Variants in TUNAR observed in about 807,000 individuals in gnomAD.
TUNAR encodes transmembrane neural differentiation associated intracellular calcium regulator.
intron 2 of TUNAR, among the ~76,000 whole-genome samples, chr14:95,888,716 T>C (rs916880775): frequency 5.3e-5 from 8 of 152,118 alleles, no homozygotes; most frequent in African/African-American, 1.9e-4. Context: ...GTCTCTATCC[T>C]CTTTGGTGAT....
exon 2 of TUNAR, chr14:95,877,172 T>G (rs974860772): frequency 1.3e-5 from 2 of 152,234 alleles, no homozygotes; most frequent in African/African-American, 2.4e-5. Context: ...CCGGATGCGC[T>G]TCTCGGTAAG....
In TUNAR at chr14:95,905,747, G is replaced by A. The variant is rs566280212; in HGVS notation, c.13-17034G>A. ...CTTTTAGCATCCATCGGTAGATCTT[G>A]TCCACAATAATTATTACTGTGGTGA... On this transcript the variant is annotated intron_variant, in intron 2 of 2. Coordinates refer to ENST00000678517, the Ensembl canonical transcript of TUNAR. 1.7e-3 allele frequency among the ~76,000 whole-genome samples: 256 copies of A among 152,242 alleles called. 1 individual carries two copies. Among genetic ancestry groups the A allele is most frequent in the African/African-American group, 5.7e-3 (238 of 41,538 alleles).
At chr14:95,902,971 A>C (rs751359138) in intron 2 of TUNAR, among the ~76,000 whole-genome samples, 19 of 152,312 alleles carry the variant, frequency 1.2e-4, no homozygotes, top group South Asian at 2.1e-4. Context: ...TGAGCCATAA[A>C]ATGTAGGAGT....
At chr14:95,883,570 C>T (rs137883379) in intron 2 of TUNAR, among the ~76,000 whole-genome samples, 104 of 152,310 alleles carry the variant, frequency 6.8e-4, no homozygotes, top group African/African-American at 2.3e-3. Context: ...AGGCCTGGGG[C>T]GTCACCCTCT....
chr14:95,910,425 C>T (rs1889495577), intron 2 of TUNAR, among the ~76,000 whole-genome samples: 1 of 152,144 alleles, frequency 6.6e-6, no homozygotes, highest in East Asian at 1.9e-4. Context: ...GATGGAGGAA[C>T]TGTGTATTTA....
At chr14:95,889,247 A>G (rs924907780) in intron 2 of TUNAR, among the ~76,000 whole-genome samples, 8 of 152,210 alleles carry the variant, frequency 5.3e-5, no homozygotes, top group Non-Finnish European at 1.0e-4. Context: ...CTTCCACCAT[A>G]AAAAGAAAAA....
At chr14:95,891,917 C>T (rs1889185787) in intron 2 of TUNAR, among the ~76,000 whole-genome samples, 1 of 152,252 alleles carries the variant, frequency 6.6e-6, no homozygotes. Flanking sequence ...TGCACCACTC[C>T]AGCCTCTGCC....
chr14:95,911,319 G>T (rs2139668181), intron 2 of TUNAR, among the ~76,000 whole-genome samples: 1 of 152,282 alleles, frequency 6.6e-6, no homozygotes, highest in South Asian at 2.1e-4. Flanking sequence ...TGATGTCTCA[G>T]CTCAGACCTC....
At chr14:95,920,158 CAA>C (rs1566793254) in intron 2 of TUNAR, among the ~76,000 whole-genome samples, 1 of 152,174 alleles carries the variant, frequency 6.6e-6, no homozygotes, top group Non-Finnish European at 1.5e-5. Context: ...AAATCAGACT[CAA>C]AAGAGGACAT....
intron 2 of TUNAR, among the ~76,000 whole-genome samples, chr14:95,920,782 C>T (rs769340760): frequency 2.4e-4 from 36 of 152,116 alleles, no homozygotes; most frequent in Non-Finnish European, 4.0e-4. Flanking sequence ...CCTGGATTCC[C>T]GTTTGTGATC....
intron 2 of TUNAR, among the ~76,000 whole-genome samples, chr14:95,918,345 TCTCTGTTATTGTTCTGGTTTCTAGG>T (rs1255812259): frequency 6.6e-6 from 1 of 152,224 alleles, no homozygotes; most frequent in African/African-American, 2.4e-5. Flanking sequence ...TCCTTTCCCA[TCTCTGTTATTGTTCTGGTTTCTAGG>T]CTAATCTCCT....
chr14:95,924,088 G>A (rs1053853004), exon 3 of TUNAR: 6 of 152,220 alleles, frequency 3.9e-5, no homozygotes, highest in Admixed American at 6.5e-5. Context: ...GTCATGTACC[G>A]CGAGAGTTGG....
intron 2 of TUNAR, among the ~76,000 whole-genome samples, chr14:95,894,824 G>A (rs373391381): frequency 6.6e-6 from 1 of 152,234 alleles, no homozygotes; most frequent in African/African-American, 2.4e-5. Flanking sequence ...TGACGCACAG[G>A]GAAGGTGTAG....
At chr14:95,907,318 T>A (rs1158730952) in intron 2 of TUNAR, among the ~76,000 whole-genome samples, 2 of 152,174 alleles carry the variant, frequency 1.3e-5, no homozygotes, top group Non-Finnish European at 1.5e-5. Flanking sequence ...GTCCAAGAAA[T>A]GGAGTTGCAC....
rs533842854 is a variant in TUNAR at position 95,918,981 on chromosome 14, C to G, written c.13-3800C>G. On this transcript the variant is annotated intron_variant, in intron 2 of 2. Coordinates refer to ENST00000678517, the Ensembl canonical transcript of TUNAR. Reference sequence around the variant, plus strand: ...GGCATCACGCTTGGAGGTGGGGATTCAAAAGTCCTTCCTCCAAGGGCTTGC... The same window carrying G: ...GGCATCACGCTTGGAGGTGGGGATTGAAAAGTCCTTCCTCCAAGGGCTTGC... Among the ~76,000 whole-genome samples the G allele has an allele frequency of 2.6e-5, 4 of 152,264 alleles. No individual in the cohort carries two copies. The East Asian group carries it at 5.8e-4, about 22-fold the overall frequency.
In TUNAR at chr14:95,905,957, T is replaced by C. The variant is rs117844029; in HGVS notation, c.13-16824T>C. On this transcript the variant is annotated intron_variant, in intron 2 of 2. Transcript: ENST00000678517. ...ATTTATAATCTAATCCTGTGGTTAT[T>C]TATTTTCTTGCTCAAATTATCCCAG... Among the ~76,000 whole-genome samples the C allele has an allele frequency of 2.1e-3, 314 of 152,296 alleles. 1 individual carries two copies. Among genetic ancestry groups the C allele is most frequent in the Non-Finnish European group, 4.0e-3 (269 of 67,984 alleles).
intron 2 of TUNAR, among the ~76,000 whole-genome samples, chr14:95,915,005 C>T (rs10498647): frequency 0.11 from 16,733 of 152,136 alleles, 2,267 homozygotes; most frequent in African/African-American, 0.32. Context: ...GCAAGCTAAG[C>T]GAGAATATTT....
chr14:95,923,041 G>A (rs1889722963), exon 3 of TUNAR: 4 of 398,600 alleles, frequency 1.0e-5, no homozygotes, highest in African/African-American at 2.1e-5. Flanking sequence ...TCACTGACCA[G>A]ACCCTGCGAG....
chr14:95,899,784 C>T (rs142314366), intron 2 of TUNAR, among the ~76,000 whole-genome samples: 15 of 152,324 alleles, frequency 9.8e-5, no homozygotes, highest in African/African-American at 3.4e-4. Context: ...ATTACCTAAT[C>T]TCCTTCCAAA....
Sources: gnomAD v4.1 joint callset for allele counts (sites outside exome capture counted in the v4.1 genomes callset) on GRCh38, gnomAD v4.1.1 for gene constraint, MANE v1.5 for transcripts, NCBI Gene and HGNC (gene_info 2026-07-23, HGNC 2026-07-21) for gene names.